OTOA: variants seen among roughly 807,000 people sequenced by gnomAD.
The protein encoded by OTOA is otoancorin.
OTOA carries 70 observed loss-of-function variants against 110.8 expected under a neutral mutation model. The observed-to-expected ratio is 0.63, with a 90% confidence interval of 0.52 to 0.77. OTOA has a LOEUF of 0.77. Among genes scored for constraint, OTOA ranks in the 30% least tolerant of loss-of-function variants. The pLI, the probability that OTOA is intolerant of heterozygous loss-of-function variation, is 0.00. For synonymous variants in OTOA, 373 were observed against 431.5 expected, an observed-to-expected ratio of 0.86 and a Z score of 1.68; for missense variants, 917 against 1,075.8, an observed-to-expected ratio of 0.85 and a Z score of 2.06.
At chr16:21,722,108 A>C (rs1208929929) in intron 17 of OTOA, among the ~76,000 whole-genome samples, 3 of 151,094 alleles carry the variant, frequency 2.0e-5, no homozygotes, top group African/African-American at 7.3e-5. Context: ...AAAAAAAAAA[A>C]AAAATTAGCC....
intron 7 of OTOA, 114 bp from the exon 8 acceptor site, chr16:21,687,299 T>C: frequency 1.2e-6 from 1 of 848,302 alleles, no homozygotes; most frequent in Non-Finnish European, 2.0e-6. Context: ...CATAGCAGCA[T>C]GGTGTTAAAC....
chr16:21,671,041 G>C (rs11645991), intron 1 of OTOA, among the ~76,000 whole-genome samples: 4,080 of 152,186 alleles, frequency 0.027, 78 homozygotes, highest in Middle Eastern at 0.065. Context: ...TTATCTTGAG[G>C]GTAATGGGGA....
In OTOA at chr16:21,678,908, C is replaced by CTT. The variant is rs1171381138; in HGVS notation, c.92-6_92-5dup. 1.9e-6 allele frequency: 3 copies of CTT among 1,612,958 alleles called. No homozygotes were observed. Among genetic ancestry groups the CTT allele is most frequent in the Non-Finnish European group, 2.5e-6 (3 of 1,179,834 alleles). ...TTCTAGTTATACATTCAATGGCTTT[C>CTT]TTACAGATTTGCATCCATTGTTGCA... On this transcript the variant is annotated splice_polypyrimidine_tract_variant and splice_region_variant and intron_variant, in intron 2 of 28. Coordinates refer to ENST00000646100, the MANE Select transcript of OTOA (RefSeq NM_144672.4).
chr16:21,716,885 T>C (rs767049226), intron 14 of OTOA, 22 bp from the exon 15 acceptor site: 1 of 1,613,566 alleles, frequency 6.2e-7, no homozygotes, highest in African/African-American at 1.3e-5. Flanking sequence ...AATGTTGTTT[T>C]GTTGCTTCTC....
intron 9 of OTOA, among the ~76,000 whole-genome samples, chr16:21,692,313 C>T (rs376362858): frequency 2.0e-5 from 3 of 148,642 alleles, no homozygotes; most frequent in Non-Finnish European, 3.0e-5. Context: ...GGTGACAGAG[C>T]GAGACTCCGT....
At chr16:21,719,338 TCTC>T in intron 16 of OTOA, 46 bp from the exon 17 acceptor site, 1 of 1,586,574 alleles carries the variant, frequency 6.3e-7, no homozygotes, top group Non-Finnish European at 8.7e-7. Context: ...CTTTCTTTCC[TCTC>T]CTCCTCACTT....
intron 1 of OTOA, among the ~76,000 whole-genome samples, chr16:21,674,814 A>G (rs1181678873): frequency 1.6e-5 from 2 of 128,006 alleles, no homozygotes; most frequent in Non-Finnish European, 3.3e-5. Context: ...TTCTGATTGG[A>G]TTGCTTATTT....
At chr16:21,683,801 C>T (rs547306583) in intron 6 of OTOA, among the ~76,000 whole-genome samples, 1 of 149,004 alleles carries the variant, frequency 6.7e-6, no homozygotes, top group East Asian at 2.0e-4. Context: ...CAGAGTCTTG[C>T]TCTGTTGCCC....
At chr16:21,678,809 A>C (rs1250901549) in intron 2 of OTOA, 106 bp from the exon 3 acceptor site, 11 of 1,410,198 alleles carry the variant, frequency 7.8e-6, no homozygotes, top group South Asian at 1.2e-5. Context: ...TTCACTAAAA[A>C]TTTCCTTCAT....
chr16:21,733,956 T>C (rs113801577), intron 21 of OTOA, among the ~76,000 whole-genome samples: 1 of 152,076 alleles, frequency 6.6e-6, no homozygotes, highest in Non-Finnish European at 1.5e-5. Flanking sequence ...TACACCACCA[T>C]GCCGAGTGAA....
intron 24 of OTOA, among the ~76,000 whole-genome samples, chr16:21,750,003 TG>T (rs1258052793): frequency 1.3e-5 from 2 of 150,410 alleles, no homozygotes; most frequent in Admixed American, 1.3e-4. Context: ...ATTTTGTAGC[TG>T]ATCTTCATAG....
rs1159117242 is a variant in OTOA at position 21,683,828 on chromosome 16, G to T, written c.268-1402G>T. On this transcript the variant is annotated intron_variant, in intron 6 of 28. Transcript: ENST00000646100. ...CTGTTGCCCAGGCTGGAGTGCAGTG[G>T]TGCCACCTCAGCTCACCACAACCTC... 5.3e-5 allele frequency among the ~76,000 whole-genome samples: 8 copies of T among 150,612 alleles called. No individual in the cohort carries two copies. In the East Asian group the frequency reaches 1.4e-3, roughly 26 times the overall value.
intron 9 of OTOA, among the ~76,000 whole-genome samples, chr16:21,692,289 T>C (rs1317388431): frequency 6.7e-6 from 1 of 150,214 alleles, no homozygotes; most frequent in Non-Finnish European, 1.5e-5. Flanking sequence ...ATTGCACCAC[T>C]GCACTCCGGC....
intron 6 of OTOA, 137 bp from the exon 7 acceptor site, chr16:21,685,093 G>A: frequency 1.6e-6 from 2 of 1,255,810 alleles, no homozygotes; most frequent in Non-Finnish European, 2.3e-6. Context: ...ATTTGGAGGT[G>A]GCCAAACCAG....
At chr16:21,715,622 G>A (rs1361438331) in intron 14 of OTOA, among the ~76,000 whole-genome samples, 1 of 151,794 alleles carries the variant, frequency 6.6e-6, no homozygotes, top group Non-Finnish European at 1.5e-5. Context: ...GTAGAGACAT[G>A]GTCTTGCTAT....
intron 6 of OTOA, among the ~76,000 whole-genome samples, chr16:21,684,763 TTA>T (rs1567366294): frequency 2.1e-3 from 31 of 14,684 alleles, no homozygotes; most frequent in Non-Finnish European, 5.0e-3. Flanking sequence ...ATTATTATTA[TTA>T]TTTTTTAGGT....
In OTOA at chr16:21,685,258, G is replaced by C; in HGVS notation, c.296G>C (p.Arg99Pro). 1 of 1,612,614 alleles carries C rather than the reference G, an allele frequency of 6.2e-7. No homozygotes were observed. Among genetic ancestry groups the C allele is most frequent in the Non-Finnish European group, 8.5e-7 (1 of 1,179,014 alleles). ...QAAVENHLEQ[R>P]LHQPQKLLED... ...GCCGTGGAAAACCACCTGGAGCAGC[G>C]TCTGCACCAGCCCCAGAAGCTGCTG... is the stretch of plus-strand genomic sequence containing the variant. Residue 99 changes from arginine (R) to proline (P), a missense_variant, in exon 7 of 29, where the codon CGT becomes CCT. Coordinates refer to ENST00000646100, the MANE Select transcript of OTOA (RefSeq NM_144672.4).
intron 22 of OTOA, among the ~76,000 whole-genome samples, chr16:21,739,106 T>C (rs1200501193): frequency 6.6e-6 from 1 of 152,300 alleles, no homozygotes; most frequent in Non-Finnish European, 1.5e-5. Flanking sequence ...TGGTTCTGGG[T>C]ATTAATTGCT....
At chr16:21,736,213 T>G in intron 21 of OTOA, 48 bp from the exon 22 acceptor site, 1 of 1,550,848 alleles carries the variant, frequency 6.4e-7, no homozygotes, top group Non-Finnish European at 8.9e-7. Context: ...AATCTGTATT[T>G]AAGGGGTTTT....
Sources: allele counts gnomAD v4.1 joint callset (sites outside exome capture counted in the v4.1 genomes callset), GRCh38; gene constraint gnomAD v4.1.1; transcripts MANE v1.5; gene names NCBI Gene and HGNC (gene_info 2026-07-23, HGNC 2026-07-21).